DCLK1: variants seen among roughly 807,000 people sequenced by gnomAD.
The protein encoded by DCLK1 is serine/threonine-protein kinase DCLK1.
Under a neutral mutation model 86.2 loss-of-function variants are expected in DCLK1, and 16 were observed. That is an observed-to-expected ratio of 0.19 (90% confidence interval 0.13 to 0.28). The LOEUF (loss-of-function observed/expected upper bound fraction) is 0.28. Among genes scored for constraint, DCLK1 ranks in the 10% least tolerant of loss-of-function variants. The probability of loss-of-function intolerance (pLI) is 1.00; values close to 1 mark genes in which losing one functional copy is unlikely to be tolerated. For missense variants in DCLK1, 590 were observed against 940.2 expected, an observed-to-expected ratio of 0.63 and a Z score of 4.87; for synonymous variants, 369 against 370.5, an observed-to-expected ratio of 1.00 and a Z score of 0.05.
intron 11 of DCLK1, among the ~76,000 whole-genome samples, chr13:35,819,780 TA>T (rs138186957): frequency 0.032 from 4,615 of 145,624 alleles, 75 homozygotes; most frequent in African/African-American, 0.051. Flanking sequence ...TAAAGCAATA[TA>T]AAAAAAAAAG....
rs576216348 is a variant in DCLK1 at position 36,100,385 on chromosome 13, A to G, written c.723+11484T>C. On this transcript the variant is annotated intron_variant, in intron 3 of 16. Transcript: ENST00000360631. Reference sequence around the variant, plus strand: ...CAGAGTGAGATCTTGTCTCAAACAAACAAACAAAAATGATGATGTTACCAG... The same window carrying G: ...CAGAGTGAGATCTTGTCTCAAACAAGCAAACAAAAATGATGATGTTACCAG... 3.9e-5 allele frequency among the ~76,000 whole-genome samples: 6 copies of G among 152,076 alleles called. No homozygotes were observed. In the East Asian group the frequency reaches 1.2e-3, roughly 30 times the overall value.
chr13:36,091,306 G>A (rs1346338721), intron 3 of DCLK1, among the ~76,000 whole-genome samples: 6 of 152,142 alleles, frequency 3.9e-5, no homozygotes, highest in African/African-American at 1.2e-4. Context: ...GATGGCACAT[G>A]TATACTATGC....
At chr13:36,127,694 C>G (rs1886237424) in intron 1 of DCLK1, among the ~76,000 whole-genome samples, 1 of 152,174 alleles carries the variant, frequency 6.6e-6, no homozygotes, top group Non-Finnish European at 1.5e-5. Context: ...AGAATCTTTC[C>G]TTTCTGGCAA....
At chr13:35,911,127 C>A (rs370764013) in intron 4 of DCLK1, among the ~76,000 whole-genome samples, 685 of 121,736 alleles carry the variant, frequency 5.6e-3, no homozygotes, top group Non-Finnish European at 6.7e-3. Flanking sequence ...ACTAAAAATA[C>A]AAAAAAAAAA....
intron 3 of DCLK1, among the ~76,000 whole-genome samples, chr13:35,983,047 A>G (rs984249368): frequency 5.3e-5 from 8 of 152,262 alleles, no homozygotes; most frequent in East Asian, 3.9e-4. Flanking sequence ...TACAGGTGTG[A>G]GCCACTGCAC....
chr13:35,836,274 C>T (rs562913474), intron 7 of DCLK1, 133 bp from the exon 8 acceptor site: 46 of 710,808 alleles, frequency 6.5e-5, no homozygotes, highest in Admixed American at 1.5e-4. Context: ...TACAGTGAGG[C>T]AACTGCCTCC....
chr13:35,909,431 A>C (rs1874871792), intron 4 of DCLK1, among the ~76,000 whole-genome samples: 4 of 152,128 alleles, frequency 2.6e-5, no homozygotes, highest in Admixed American at 2.6e-4. Context: ...CCACTGTATG[A>C]CATTAAGCAA....
intron 4 of DCLK1, among the ~76,000 whole-genome samples, chr13:35,931,341 C>T (rs559384290): frequency 1.3e-5 from 2 of 152,136 alleles, no homozygotes; most frequent in Non-Finnish European, 2.9e-5. Flanking sequence ...TGCTATCTGG[C>T]ATGAATACAA....
At position 35,846,804 on chromosome 13, in the gene DCLK1, C is replaced by T. The variant is rs138930572; in HGVS notation, c.1036-7628G>A. The T allele has an allele frequency of 3.5e-4, 348 of 984,962 alleles. 3 individuals carry two copies. In the African/African-American group the frequency reaches 4.8e-3, roughly 14 times the overall value. 61.0% of individuals were successfully genotyped at this position (984,962 alleles called of 1,614,324 possible). ...TGTATGCATATATAGTAAATTCATT[C>T]GATTAACATTTTCAAGTGTGTATAT... is the stretch of plus-strand genomic sequence containing the variant. On this transcript the variant is annotated intron_variant, in intron 6 of 16. Transcript: ENST00000360631.
intron 3 of DCLK1, among the ~76,000 whole-genome samples, chr13:35,994,926 G>C (rs12427895): frequency 6.6e-6 from 1 of 152,048 alleles, no homozygotes; most frequent in East Asian, 1.9e-4. Context: ...CACAGATGAC[G>C]GCAATAAGAA....
At chr13:35,811,035 TG>T in intron 11 of DCLK1, 67 bp from the exon 12 acceptor site, 1 of 1,592,626 alleles carries the variant, frequency 6.3e-7, no homozygotes, top group Non-Finnish European at 8.6e-7. Flanking sequence ...CTTGAAGAAA[TG>T]AGGAACACTG....
chr13:35,970,194 C>T (rs1017950953), intron 3 of DCLK1, among the ~76,000 whole-genome samples: 4 of 152,116 alleles, frequency 2.6e-5, no homozygotes, highest in African/African-American at 7.2e-5. Context: ...TTTTGCTAAT[C>T]TTCCTAACAA....
At chr13:36,060,754 C>G (rs1273465668) in intron 3 of DCLK1, among the ~76,000 whole-genome samples, 2 of 152,062 alleles carry the variant, frequency 1.3e-5, no homozygotes, top group Non-Finnish European at 2.9e-5. Context: ...AATTTAGTAA[C>G]ATAAACTGCT....
At chr13:35,869,840 T>G (rs1385523504) in intron 5 of DCLK1, among the ~76,000 whole-genome samples, 2 of 152,146 alleles carry the variant, frequency 1.3e-5, no homozygotes, top group Non-Finnish European at 2.9e-5. Flanking sequence ...TTTCTCAAAA[T>G]GTGGACCACA....
chr13:36,005,041 A>C (rs1299878887), intron 3 of DCLK1, among the ~76,000 whole-genome samples: 1 of 152,234 alleles, frequency 6.6e-6, no homozygotes, highest in East Asian at 1.9e-4. Context: ...AAACTAATAC[A>C]AAGAGACTGG....
At chr13:35,845,307 A>T (rs935864313) in intron 6 of DCLK1, among the ~76,000 whole-genome samples, 1 of 152,088 alleles carries the variant, frequency 6.6e-6, no homozygotes, top group Non-Finnish European at 1.5e-5. Context: ...CCTCTTTAAC[A>T]TCCTTTTCTA....
At chr13:35,980,091 T>C (rs1053146582) in intron 3 of DCLK1, among the ~76,000 whole-genome samples, 1 of 152,226 alleles carries the variant, frequency 6.6e-6, no homozygotes, top group Non-Finnish European at 1.5e-5. Flanking sequence ...CACATTGTTG[T>C]CCAACCATCA....
intron 9 of DCLK1, 24 bp downstream of exon 9, chr13:35,828,226 C>A: frequency 6.3e-7 from 1 of 1,594,798 alleles, no homozygotes; most frequent in South Asian, 1.1e-5. Flanking sequence ...ACTCTTATCT[C>A]ATAAGAACAA....
chr13:35,779,987 A>AC (rs1478606372), intron 16 of DCLK1, among the ~76,000 whole-genome samples: 1 of 149,226 alleles, frequency 6.7e-6, no homozygotes, highest in Non-Finnish European at 1.5e-5. Context: ...CCGCCCCTGA[A>AC]AAAAAAAAAA....
Sources: allele counts gnomAD v4.1 joint callset (sites outside exome capture counted in the v4.1 genomes callset), GRCh38; gene constraint gnomAD v4.1.1; transcripts MANE v1.5; gene names NCBI Gene and HGNC (gene_info 2026-07-23, HGNC 2026-07-21).